Variants in THRA observed in about 807,000 individuals in gnomAD.
The protein encoded by THRA is thyroid hormone receptor alpha.
A neutral mutation model predicts 45.0 loss-of-function variants in THRA; 13 were observed. The ratio of observed to expected loss-of-function variants is 0.29; its 90% CI spans 0.19 to 0.46. The LOEUF (loss-of-function observed/expected upper bound fraction) is 0.46, where lower values mean the gene tolerates loss of function less well. Ranked by LOEUF, THRA falls within the 20% of genes least tolerant of loss-of-function variation. The pLI, the probability that THRA is intolerant of heterozygous loss-of-function variation, is 1.00. For missense variants in THRA, 278 were observed against 556.1 expected (o/e 0.50, Z 5.03); for synonymous variants, 195 against 214.0 (o/e 0.91, Z 0.78).
intron 2 of THRA, among the ~76,000 whole-genome samples, chr17:40,076,312 GGGTGGTTTTATGA>G (rs1177392087): frequency 6.6e-6 from 1 of 152,178 alleles, no homozygotes; most frequent in African/African-American, 2.4e-5. Flanking sequence ...GGAGGGATGA[GGGTGGTTTTATGA>G]GGTGCCTGTG....
At position 40,090,878 on chromosome 17, in the gene THRA, C is replaced by T. The variant is rs1987507394; in HGVS notation, c.*1422C>T. On this transcript the variant is annotated 3_prime_UTR_variant, in exon 9 of 9. Coordinates refer to ENST00000450525, the MANE Select transcript of THRA (RefSeq NM_199334.5). ...TTCAGGGACTTTGGCTTGAGCCCCT[C>T]TCGCCCTCCTGGTGAGGGTGCTCTG... The T allele has an allele frequency of 6.6e-6, 1 of 152,342 alleles. No homozygotes were observed. Among genetic ancestry groups the T allele is most frequent in the Non-Finnish European group, 1.5e-5 (1 of 68,140 alleles). 9.4% of individuals were successfully genotyped at this position (152,342 alleles called of 1,614,324 possible). A position where few individuals can be genotyped will look rare whatever the true frequency, so the allele number is the denominator to read the frequency against.
At chr17:40,088,583 C>T (rs1987416778) in intron 8 of THRA, 83 bp downstream of exon 8, 4 of 1,504,694 alleles carry the variant, frequency 2.7e-6, no homozygotes, top group Non-Finnish European at 3.6e-6. Context: ...TGCTCAACTC[C>T]CTCCTGAATC....
In THRA at chr17:40,092,427, TC is replaced by T; in HGVS notation, c.*2975del. 6.6e-6 allele frequency: 1 copy of T among 151,512 alleles called. No homozygotes were observed. The highest frequency in any genetic ancestry group is 2.0e-4 in the East Asian group (1 of 5,122). 9.4% of individuals were successfully genotyped at this position (151,512 alleles called of 1,614,324 possible). On this transcript the variant is annotated 3_prime_UTR_variant, in exon 9 of 9. Coordinates refer to ENST00000450525, the MANE Select transcript of THRA (RefSeq NM_199334.5). ...GAAACAGGGAAGGAGGTAGGTCTCT[TC>T]CCCAGGGAGGGGTGGGACCGGCAGG...
rs548302509 is a variant in THRA, at chr17:40,076,787, T to C, written c.54-84T>C. 8.4e-6 allele frequency: 12 copies of C among 1,433,780 alleles called. No homozygotes were observed. In the East Asian group the frequency reaches 2.5e-4, roughly 30 times the overall value. The allele number at this position is 1,433,780 out of a possible 1,614,324, so 88.8% of individuals were successfully genotyped here. A position where few individuals can be genotyped will look rare whatever the true frequency, so the allele number is the denominator to read the frequency against. On this transcript the variant is annotated intron_variant, in intron 2 of 8. Transcript: ENST00000450525. ...GACACAAAATGGAAAGAATCAGGCC[T>C]TGGGGGATTGCATAAGCCTCTCGGA...
chr17:40,088,470 C>G lies in THRA; in HGVS notation c.952C>G (p.Leu318Val). The change falls in exon 8 of 9, where the codon CTG (leucine) becomes GTG (valine). Residue 318 changes from leucine to valine, a missense_variant. Transcript: ENST00000450525. ...AFNLDDTEVA[L>V]LQAVLLMSTD... ...TAACCTGGATGACACGGAAGTGGCT[C>G]TGCTGCAGGCTGTGCTGCTAATGTC... 1 of 1,613,754 alleles carries G rather than the reference C, an allele frequency of 6.2e-7. No individual in the cohort carries two copies. Among genetic ancestry groups the G allele is most frequent in the Non-Finnish European group, 8.5e-7 (1 of 1,179,730 alleles).
chr17:40,084,821 G>T lies in THRA; in HGVS notation c.576+6G>T, dbSNP rs1376500152. 2 of 1,612,964 alleles carry T rather than the reference G, an allele frequency of 1.2e-6. No individual in the cohort carries two copies. On this transcript the variant is annotated splice_donor_region_variant and intron_variant, in intron 6 of 8. Transcript: ENST00000450525. ...AACAGAGGCGGAAATTCCTGGTAAG[G>T]AGAAAGGGGGCATGGGGAGAGCAGT...
At chr17:40,083,504 C>T (rs1371811512) in intron 4 of THRA, among the ~76,000 whole-genome samples, 2 of 152,260 alleles carry the variant, frequency 1.3e-5, no homozygotes, top group Admixed American at 6.5e-5. Flanking sequence ...TGCGCCACCG[C>T]GCCCGGCGAC....
chr17:40,077,375 A>T, intron 3 of THRA, 133 bp from the exon 4 acceptor site: 1 of 710,144 alleles, frequency 1.4e-6, no homozygotes, highest in South Asian at 1.7e-5. Context: ...GTGTCTCTCT[A>T]GGATTCTACC....
intron 3 of THRA, among the ~76,000 whole-genome samples, chr17:40,077,275 G>A (rs1350283333): frequency 6.6e-6 from 1 of 152,178 alleles, no homozygotes; most frequent in African/African-American, 2.4e-5. Flanking sequence ...CCTCTGCCTT[G>A]TAGATAGATC....
intron 1 of THRA, among the ~76,000 whole-genome samples, chr17:40,068,134 G>A (rs531509198): frequency 6.6e-6 from 1 of 152,330 alleles, no homozygotes; most frequent in Non-Finnish European, 1.5e-5. Flanking sequence ...GGGGAGGGAG[G>A]CAAGCATGAC....
At chr17:40,079,017 A>T (rs888566900) in intron 4 of THRA, among the ~76,000 whole-genome samples, 18 of 152,238 alleles carry the variant, frequency 1.2e-4, no homozygotes, top group African/African-American at 4.1e-4. Flanking sequence ...GGTGTGAGCC[A>T]CTGCGCCCAG....
At chr17:40,071,803 A>G (rs1474727010) in intron 1 of THRA, among the ~76,000 whole-genome samples, 1 of 152,132 alleles carries the variant, frequency 6.6e-6, no homozygotes, top group African/African-American at 2.4e-5. Context: ...GTCTCCCCAC[A>G]TGCTGGGCCC....
intron 2 of THRA, among the ~76,000 whole-genome samples, chr17:40,075,013 G>A (rs760200924): frequency 6.6e-6 from 1 of 152,216 alleles, no homozygotes; most frequent in African/African-American, 2.4e-5. Flanking sequence ...GCTTATATTC[G>A]GAATCTATTG....
intron 1 of THRA, among the ~76,000 whole-genome samples, chr17:40,065,190 A>C (rs1986510276): frequency 6.6e-6 from 1 of 151,788 alleles, no homozygotes; most frequent in Non-Finnish European, 1.5e-5. Flanking sequence ...ACTGTTGGGG[A>C]AGGGGAGAGC....
At chr17:40,071,140 G>T (rs1471491913) in intron 1 of THRA, among the ~76,000 whole-genome samples, 1 of 151,106 alleles carries the variant, frequency 6.6e-6, no homozygotes, top group Admixed American at 6.6e-5. Flanking sequence ...CAGCCGCCCC[G>T]CATGTACGTG....
chr17:40,076,992 G>A lies in THRA; in HGVS notation c.121+54G>A, dbSNP rs927354130. On this transcript the variant is annotated intron_variant, in intron 3 of 8. Coordinates refer to ENST00000450525, the MANE Select transcript of THRA (RefSeq NM_199334.5). ...CACGTCCCCAACCCCACCAAACCCA[G>A]CCAGGGCTCCTCTGGACCTGGATGT... 9 of 1,573,622 alleles carry A rather than the reference G, an allele frequency of 5.7e-6. No individual in the cohort carries two copies. In the South Asian group the frequency reaches 1.0e-4, roughly 18 times the overall value.
intron 1 of THRA, among the ~76,000 whole-genome samples, chr17:40,066,735 C>T (rs951968723): frequency 3.3e-5 from 5 of 150,860 alleles, no homozygotes; most frequent in Non-Finnish European, 7.4e-5. Flanking sequence ...GATATACCAT[C>T]ACAGCTAAGA....
In THRA at chr17:40,092,054, C is replaced by G; in HGVS notation, c.*2598C>G. ...GGTTGCTGGGAATAGGACGAGGGGG[C>G]CAGGCCAGGACAAGGGGTTGCCAGA... On this transcript the variant is annotated 3_prime_UTR_variant, in exon 9 of 9. Coordinates refer to ENST00000450525, the MANE Select transcript of THRA (RefSeq NM_199334.5). 1 of 152,732 alleles carries G rather than the reference C, an allele frequency of 6.5e-6. No individual in the cohort carries two copies. Among genetic ancestry groups the G allele is most frequent in the Non-Finnish European group, 1.5e-5 (1 of 68,510 alleles). The allele number at this position is 152,732 out of a possible 1,614,324, so 9.5% of individuals were successfully genotyped here.
upstream of THRA, chr17:40,062,410 T>C (rs909361396): frequency 6.6e-6 from 1 of 151,988 alleles, no homozygotes; most frequent in Non-Finnish European, 1.5e-5. Context: ...CAGCTGAAGC[T>C]TGAGGAAGCT....
Sources: allele counts gnomAD v4.1 joint callset (sites outside exome capture counted in the v4.1 genomes callset), GRCh38; gene constraint gnomAD v4.1.1; transcripts MANE v1.5; gene names NCBI Gene and HGNC (gene_info 2026-07-23, HGNC 2026-07-21).